The following RORB variants were observed in gnomAD, a reference collection of about 807,000 sequenced individuals.
RORB encodes the protein RAR related orphan receptor B.
A neutral mutation model predicts 59.1 loss-of-function variants in RORB; 6 were observed. The ratio of observed to expected loss-of-function variants is 0.10; its 90% CI spans 0.06 to 0.20. The LOEUF is 0.20. RORB is among the 10% of genes least tolerant of loss of function. The probability of loss-of-function intolerance (pLI) is 1.00; values close to 1 mark genes in which losing one functional copy is unlikely to be tolerated. For missense variants in RORB, 320 were observed against 560.5 expected (o/e 0.57, Z 4.33); for synonymous variants, 215 against 204.5 (o/e 1.05, Z -0.44).
intron 1 of RORB, among the ~76,000 whole-genome samples, chr9:74,500,273 C>T (rs1357146622): frequency 6.6e-6 from 1 of 152,122 alleles, no homozygotes; most frequent in Non-Finnish European, 1.5e-5. Context: ...TTTCCTGACC[C>T]CTAGTGTCTT....
At chr9:74,509,400 A>C (rs946970416) in intron 1 of RORB, among the ~76,000 whole-genome samples, 1 of 152,016 alleles carries the variant, frequency 6.6e-6, no homozygotes, top group Admixed American at 6.6e-5. Context: ...AATTTTGAAA[A>C]AATTGCATAT....
At chr9:74,550,325 A>G (rs1826587378) in intron 1 of RORB, among the ~76,000 whole-genome samples, 1 of 152,176 alleles carries the variant, frequency 6.6e-6, no homozygotes, top group Non-Finnish European at 1.5e-5. Context: ...GGAAAGACAC[A>G]CTTTTTCAGC....
intron 1 of RORB, among the ~76,000 whole-genome samples, chr9:74,567,558 A>G (rs144811376): frequency 6.6e-6 from 1 of 152,344 alleles, no homozygotes; most frequent in Non-Finnish European, 1.5e-5. Flanking sequence ...AAACAGGAAC[A>G]TGATAAATGT....
intron 1 of RORB, among the ~76,000 whole-genome samples, chr9:74,571,591 A>G (rs1822553117): frequency 6.6e-6 from 1 of 152,180 alleles, no homozygotes; most frequent in Admixed American, 6.5e-5. Flanking sequence ...TTAACCAAAT[A>G]TTATCACTGC....
chr9:74,497,394 A>G lies in RORB; in HGVS notation c.-583A>G, dbSNP rs1354636608. 1.3e-5 allele frequency: 2 copies of G among 153,304 alleles called. No individual in the cohort carries two copies. Among genetic ancestry groups the G allele is most frequent in the Non-Finnish European group, 2.9e-5 (2 of 68,922 alleles). 9.5% of individuals were successfully genotyped at this position (153,304 alleles called of 1,614,324 possible). A position where few individuals can be genotyped will look rare whatever the true frequency, so the allele number is the denominator to read the frequency against. On this transcript the variant is annotated 5_prime_UTR_variant, in exon 1 of 10. Coordinates refer to ENST00000376896, the MANE Select transcript of RORB (RefSeq NM_006914.4). Reference sequence around the variant, plus strand: ...TCCTCCCTGTAACTGAACAGTGAAAATTCACATTGTGGATCCGCTAACAGG... The same window carrying G: ...TCCTCCCTGTAACTGAACAGTGAAAGTTCACATTGTGGATCCGCTAACAGG...
At chr9:74,641,868 C>A (rs958147853) in intron 3 of RORB, among the ~76,000 whole-genome samples, 3 of 152,108 alleles carry the variant, frequency 2.0e-5, no homozygotes, top group African/African-American at 7.2e-5. Flanking sequence ...GATCATGCCA[C>A]TGCACTCCAG....
intron 1 of RORB, among the ~76,000 whole-genome samples, chr9:74,577,436 A>G (rs1462099563): frequency 1.3e-5 from 2 of 152,076 alleles, no homozygotes; most frequent in Non-Finnish European, 2.9e-5. Flanking sequence ...AATTTGCTCT[A>G]GGGAGCACTG....
rs1441584305 is a variant in RORB at position 74,690,775 on chromosome 9, A to C, written c.*5157A>C. 1.3e-5 allele frequency: 2 copies of C among 152,170 alleles called. No homozygotes were observed. Among genetic ancestry groups the C allele is most frequent in the Admixed American group, 1.3e-4 (2 of 15,278 alleles). 9.4% of individuals were successfully genotyped at this position (152,170 alleles called of 1,614,324 possible). A position where few individuals can be genotyped will look rare whatever the true frequency, so the allele number is the denominator to read the frequency against. ...ACAGGAGGTCAGTTTAAAAAATAGC[A>C]AACAGTCTAAAAATGAAAACTATTC... On this transcript the variant is annotated 3_prime_UTR_variant, in exon 10 of 10. Coordinates refer to ENST00000376896, the MANE Select transcript of RORB (RefSeq NM_006914.4).
chr9:74,617,537 G>A (rs1022549672), intron 1 of RORB, among the ~76,000 whole-genome samples: 5 of 152,140 alleles, frequency 3.3e-5, no homozygotes, highest in Non-Finnish European at 7.4e-5. Flanking sequence ...GATATCTCGG[G>A]TCCCATAATA....
intron 1 of RORB, among the ~76,000 whole-genome samples, chr9:74,509,734 A>C (rs922586611): frequency 1.3e-5 from 2 of 152,164 alleles, no homozygotes; most frequent in South Asian, 4.1e-4. Flanking sequence ...TCATCAACAC[A>C]CTATTTAAAT....
intron 1 of RORB, among the ~76,000 whole-genome samples, chr9:74,574,128 C>T (rs1236302062): frequency 6.6e-6 from 1 of 152,092 alleles, no homozygotes; most frequent in Non-Finnish European, 1.5e-5. Context: ...TTGTGTCTTT[C>T]CTGATTGTCT....
chr9:74,527,674 A>G (rs184476649), intron 1 of RORB, among the ~76,000 whole-genome samples: 31 of 152,122 alleles, frequency 2.0e-4, no homozygotes, highest in African/African-American at 7.0e-4. Flanking sequence ...TCCGCAATTC[A>G]TGTTTTGTCA....
intron 1 of RORB, among the ~76,000 whole-genome samples, chr9:74,551,772 AG>A (rs1826612046): frequency 6.6e-6 from 1 of 152,160 alleles, no homozygotes; most frequent in Non-Finnish European, 1.5e-5. Context: ...GGAATGCAAA[AG>A]TTTGTCCTGG....
At position 74,690,650 on chromosome 9, in the gene RORB, A is replaced by G. The variant is rs962037134; in HGVS notation, c.*5032A>G. On this transcript the variant is annotated 3_prime_UTR_variant, in exon 10 of 10. Transcript: ENST00000376896. Reference sequence around the variant, plus strand: ...GTCTGGTCAGATTCAACCCTGGACGATATTAGAATGATATTAGTTTTGGAA... The same window carrying G: ...GTCTGGTCAGATTCAACCCTGGACGGTATTAGAATGATATTAGTTTTGGAA... 1.3e-5 allele frequency: 2 copies of G among 152,192 alleles called. No individual in the cohort carries two copies. The highest frequency in any genetic ancestry group is 4.8e-5 in the African/African-American group (2 of 41,462). The allele number at this position is 152,192 out of a possible 1,614,324, so 9.4% of individuals were successfully genotyped here. A position where few individuals can be genotyped will look rare whatever the true frequency, so the allele number is the denominator to read the frequency against.
At chr9:74,649,523 C>A (rs1394151331) in intron 4 of RORB, among the ~76,000 whole-genome samples, 2 of 152,098 alleles carry the variant, frequency 1.3e-5, no homozygotes, top group East Asian at 3.9e-4. Flanking sequence ...GTAGAGGATA[C>A]CTGGAGCCAC....
At chr9:74,657,859 T>A (rs1824109595) in intron 4 of RORB, among the ~76,000 whole-genome samples, 1 of 151,442 alleles carries the variant, frequency 6.6e-6, no homozygotes, top group Non-Finnish European at 1.5e-5. Flanking sequence ...ACAAAAATTA[T>A]CCAGGTGTGG....
intron 4 of RORB, among the ~76,000 whole-genome samples, chr9:74,652,178 G>A (rs1236997976): frequency 6.6e-6 from 1 of 152,148 alleles, no homozygotes; most frequent in Non-Finnish European, 1.5e-5. Flanking sequence ...AGGCCGAGGC[G>A]GGCAGATCAT....
In RORB at chr9:74,689,288, G is replaced by C. The variant is rs1280207718; in HGVS notation, c.*3670G>C. ...CCGGCTAATTTTTGTATTTTAGGTA[G>C]AGATGGGGTTTCACCATGTTGGCCA... On this transcript the variant is annotated 3_prime_UTR_variant, in exon 10 of 10. Transcript: ENST00000376896. The C allele has an allele frequency of 6.6e-6, 1 of 152,378 alleles. No homozygotes were observed. Among genetic ancestry groups the C allele is most frequent in the African/African-American group, 2.4e-5 (1 of 41,442 alleles). The allele number at this position is 152,378 out of a possible 1,614,324, so 9.4% of individuals were successfully genotyped here.
In RORB at chr9:74,549,522, AG is replaced by A. The variant is rs1563934418; in HGVS notation, c.7+51542del. Among the ~76,000 whole-genome samples, 212 of 50,418 alleles carry A rather than the reference AG, an allele frequency of 4.2e-3. 11 individuals are homozygous for A. Among genetic ancestry groups the A allele is most frequent in the Non-Finnish European group, 6.0e-3 (166 of 27,680 alleles). The allele number at this position is 50,418 out of a possible 152,430, so 33.1% of individuals were successfully genotyped here. A position where few individuals can be genotyped will look rare whatever the true frequency, so the allele number is the denominator to read the frequency against. On this transcript the variant is annotated intron_variant, in intron 1 of 9. Transcript: ENST00000376896. ...AGAAAGAAAGAAAGGGAAAGAAGGGAGGGAGGGAGGGAGGGAGGGAGGGAGG... is the reference window on the plus strand; with the variant it reads ...AGAAAGAAAGAAAGGGAAAGAAGGGAGGAGGGAGGGAGGGAGGGAGGGAGG...
Sources: gnomAD v4.1 joint callset for allele counts (sites outside exome capture counted in the v4.1 genomes callset) on GRCh38, gnomAD v4.1.1 for gene constraint, MANE v1.5 for transcripts, NCBI Gene and HGNC (gene_info 2026-07-23, HGNC 2026-07-21) for gene names.